RAD51B: variants seen among roughly 807,000 people sequenced by gnomAD.
RAD51B encodes DNA repair protein RAD51 homolog 2.
A neutral mutation model predicts 42.2 loss-of-function variants in RAD51B; 38 were observed. That is an observed-to-expected ratio of 0.90 (90% CI 0.70 to 1.18). The LOEUF (loss-of-function observed/expected upper bound fraction) is 1.18, where lower values mean the gene tolerates loss of function less well. Among genes scored for constraint, RAD51B ranks in the 50% most tolerant of loss-of-function variants. The probability of loss-of-function intolerance (pLI) is 0.00; values close to 1 mark genes in which losing one functional copy is unlikely to be tolerated. For synonymous variants in RAD51B, 154 were observed against 145.2 expected (o/e 1.06, Z -0.43); for missense variants, 373 against 400.7 (o/e 0.93, Z 0.59).
intron 9 of RAD51B, among the ~76,000 whole-genome samples, chr14:68,423,453 G>A (rs1566874939): frequency 6.6e-6 from 1 of 152,134 alleles, no homozygotes; most frequent in Non-Finnish European, 1.5e-5. Context: ...CGAAAACTCT[G>A]AGGTGGGTAT....
intron 9 of RAD51B, among the ~76,000 whole-genome samples, chr14:68,415,976 A>G (rs2084546819): frequency 6.6e-6 from 1 of 152,074 alleles, no homozygotes; most frequent in Admixed American, 6.5e-5. Context: ...TCTTTTTTTC[A>G]TATAGGAGGT....
downstream of RAD51B, among the ~76,000 whole-genome samples, chr14:68,613,290 C>T (rs989144129): frequency 2.0e-5 from 3 of 151,978 alleles, no homozygotes; most frequent in Non-Finnish European, 2.9e-5. Context: ...TGGTGACTCA[C>T]GCCTGTAATC....
At chr14:68,037,722 T>G (rs1025405223) in intron 7 of RAD51B, among the ~76,000 whole-genome samples, 2 of 152,232 alleles carry the variant, frequency 1.3e-5, no homozygotes, top group African/African-American at 4.8e-5. Context: ...GGTGAACAGA[T>G]CTCACTGTAT....
chr14:67,856,552 T>A (rs944868858), intron 4 of RAD51B, among the ~76,000 whole-genome samples: 9 of 152,154 alleles, frequency 5.9e-5, no homozygotes, highest in African/African-American at 2.2e-4. Flanking sequence ...GCTCACTGGT[T>A]TCAGATCAGA....
At chr14:68,317,464 A>G (rs1054801169) in intron 8 of RAD51B, among the ~76,000 whole-genome samples, 2 of 151,882 alleles carry the variant, frequency 1.3e-5, no homozygotes, top group African/African-American at 4.9e-5. Flanking sequence ...GTGCCGTGTG[A>G]TGTCAGGAAG....
intron 8 of RAD51B, among the ~76,000 whole-genome samples, chr14:68,374,888 CA>C (rs1197662116): frequency 6.6e-6 from 1 of 151,516 alleles, no homozygotes; most frequent in Admixed American, 6.6e-5. Context: ...TCTGAATGCA[CA>C]GTCCCATGTC....
chr14:68,678,878 A>C (rs957670047), intron 11 of RAD51B, among the ~76,000 whole-genome samples: 7 of 152,018 alleles, frequency 4.6e-5, no homozygotes, highest in African/African-American at 1.7e-4. Flanking sequence ...CCCTTTACGA[A>C]ATTTTAATTC....
chr14:67,887,313 A>G, intron 7 of RAD51B, 109 bp downstream of exon 7: 1 of 1,009,844 alleles, frequency 9.9e-7, no homozygotes, highest in South Asian at 1.7e-5. Flanking sequence ...AATGTAAAAC[A>G]GATGACTTTT....
At chr14:67,946,878 A>G (rs2045413850) in intron 7 of RAD51B, among the ~76,000 whole-genome samples, 2 of 152,224 alleles carry the variant, frequency 1.3e-5, no homozygotes, top group Admixed American at 6.5e-5. Context: ...ACTTGCATTT[A>G]TATATTTCTG....
intron 10 of RAD51B, among the ~76,000 whole-genome samples, chr14:68,607,678 C>T (rs1168781833): frequency 6.6e-6 from 1 of 152,204 alleles, no homozygotes; most frequent in Non-Finnish European, 1.5e-5. Context: ...GGTCTCTGCA[C>T]AAAGCCTTTG....
At chr14:68,605,428 A>T (rs1292066555) in intron 10 of RAD51B, among the ~76,000 whole-genome samples, 1 of 152,252 alleles carries the variant, frequency 6.6e-6, no homozygotes, top group African/African-American at 2.4e-5. Context: ...TTCCTTACAC[A>T]GTTTGTCCCT....
chr14:68,534,456 AGGAGAAAGGGTTT>A (rs1405560948), intron 10 of RAD51B, among the ~76,000 whole-genome samples: 2 of 152,190 alleles, frequency 1.3e-5, no homozygotes, highest in African/African-American at 4.8e-5. Context: ...AGGATAAAGG[AGGAGAAAGGGTTT>A]GGAAGTAGCA....
At chr14:68,125,409 A>T (rs978452704) in intron 7 of RAD51B, 2 of 152,140 alleles carry the variant, frequency 1.3e-5, no homozygotes, top group Non-Finnish European at 2.9e-5. Flanking sequence ...TGGAAGAAAA[A>T]CTGCAATGGA....
At chr14:68,433,058 G>A (rs959059249) in intron 9 of RAD51B, among the ~76,000 whole-genome samples, 1 of 152,210 alleles carries the variant, frequency 6.6e-6, no homozygotes, top group Non-Finnish European at 1.5e-5. Context: ...CTTTCTTTAA[G>A]AATGTTGAAT....
intron 10 of RAD51B, among the ~76,000 whole-genome samples, chr14:68,511,164 G>A (rs1885702407): frequency 6.6e-6 from 1 of 152,208 alleles, no homozygotes; most frequent in African/African-American, 2.4e-5. Context: ...GACACCTCTA[G>A]GAGTGGAAGA....
chr14:68,580,803 C>T (rs1430031470), intron 10 of RAD51B, among the ~76,000 whole-genome samples: 4 of 152,248 alleles, frequency 2.6e-5, no homozygotes, highest in African/African-American at 9.6e-5. Flanking sequence ...ATCCTTTTTC[C>T]CTTGGAGATC....
At chr14:68,301,041 A>G (rs1053837254) in intron 8 of RAD51B, among the ~76,000 whole-genome samples, 5 of 152,164 alleles carry the variant, frequency 3.3e-5, no homozygotes, top group South Asian at 4.1e-4. Flanking sequence ...AAGCAAATGT[A>G]TATGTGTATA....
At chr14:68,504,662 C>CTTTTTTTTTTTTTTTTTTTTTTT (rs57967320) in intron 10 of RAD51B, among the ~76,000 whole-genome samples, 2 of 90,430 alleles carry the variant, frequency 2.2e-5, no homozygotes, top group Non-Finnish European at 4.2e-5. Flanking sequence ...TTTTTTCTTT[C>CTTTTTTTTTTTTTTTTTTTTTTT]TTTTTTTTTT....
chr14:68,570,883 A>ACACACACACACACACACATG (rs1889663580), intron 10 of RAD51B, among the ~76,000 whole-genome samples: 1 of 151,106 alleles, frequency 6.6e-6, no homozygotes, highest in Non-Finnish European at 1.5e-5. Context: ...CCACACACAC[A>ACACACACACACACACACATG]CACACACACA....
Sources: gnomAD v4.1 joint callset for allele counts (sites outside exome capture counted in the v4.1 genomes callset) on GRCh38, gnomAD v4.1.1 for gene constraint, MANE v1.5 for transcripts, NCBI Gene and HGNC (gene_info 2026-07-23, HGNC 2026-07-21) for gene names.